The following CARMIL1 variants were observed in gnomAD, a reference collection of about 807,000 sequenced individuals.
CARMIL1 encodes the protein capping protein regulator and myosin 1 linker 1, also known as F-actin-uncapping protein LRRC16A.
In CARMIL1, 90 loss-of-function variants were observed where a neutral mutation model predicts 177.1. That is an observed-to-expected ratio of 0.51 (90% CI 0.43 to 0.61). CARMIL1 has a LOEUF of 0.61. CARMIL1 is among the 20% of genes least tolerant of loss of function. The pLI is 0.00. For synonymous variants in CARMIL1, 577 were observed against 606.2 expected (o/e 0.95, Z 0.71); for missense variants, 1,380 against 1,667.0 (o/e 0.83, Z 3.00).
At position 25,556,729 on chromosome 6, in the gene CARMIL1, C is replaced by A. The variant is rs769315613; in HGVS notation, c.2621C>A (p.Thr874Asn). The A allele has an allele frequency of 1.7e-5, 27 of 1,613,254 alleles. No individual in the cohort carries two copies. Among genetic ancestry groups the A allele is most frequent in the Non-Finnish European group, 8.5e-7 (1 of 1,179,604 alleles). The change falls in exon 29 of 37, where the codon ACC becomes AAC. Residue 874 changes from threonine (T) to asparagine (N), a missense_variant. Physicochemically the swap from Thr to Asn is moderately conservative, Grantham distance 65 (BLOSUM62 0). Coordinates refer to ENST00000329474, the MANE Select transcript of CARMIL1 (RefSeq NM_017640.6). The stretch of plus-strand genomic sequence containing the variant: ...GACCATTTCAGCAGACGTGGCAAGA[C>A]CCTTCCTCAACAAGAATCCTTAGAG... ...LADHFSRRGKTLPQQESLEIE... is the reference protein window; with the variant it reads ...LADHFSRRGKNLPQQESLEIE...
At chr6:25,288,844 C>T (rs979678841) in intron 2 of CARMIL1, among the ~76,000 whole-genome samples, 2 of 152,172 alleles carry the variant, frequency 1.3e-5, no homozygotes, top group African/African-American at 4.8e-5. Flanking sequence ...CAAGTGAAAT[C>T]AGAAATGCTA....
At chr6:25,343,572 A>T (rs1337112116) in intron 2 of CARMIL1, among the ~76,000 whole-genome samples, 1 of 152,078 alleles carries the variant, frequency 6.6e-6, no homozygotes, top group Non-Finnish European at 1.5e-5. Flanking sequence ...CAGTCACCAT[A>T]GGAAGCCTGG....
intron 2 of CARMIL1, among the ~76,000 whole-genome samples, chr6:25,297,998 C>T (rs1782558854): frequency 6.6e-6 from 1 of 152,164 alleles, no homozygotes; most frequent in African/African-American, 2.4e-5. Context: ...TCTGAAATGG[C>T]ATTTGCTAAC....
Position 25,586,919 on chromosome 6 carries a change from G to C in CARMIL1, c.3006+5480G>C, listed in dbSNP as rs551991879. Among the ~76,000 whole-genome samples the C allele has an allele frequency of 5.3e-5, 8 of 151,874 alleles. No homozygotes were observed. The East Asian group carries it at 1.4e-3, about 26-fold the overall frequency. On this transcript the variant is annotated intron_variant, in intron 31 of 36. Transcript: ENST00000329474. ...GATGGCAGCAGTACAGTCCAGCCTC[G>C]GCTCGGCATCAGATAGAGACCGTGG...
At chr6:25,324,793 G>T (rs999784926) in intron 2 of CARMIL1, among the ~76,000 whole-genome samples, 1 of 152,108 alleles carries the variant, frequency 6.6e-6, no homozygotes, top group Non-Finnish European at 1.5e-5. Context: ...GGAAGGGGGG[G>T]TGTTTAGTAG....
At chr6:25,293,120 A>G (rs1286880623) in intron 2 of CARMIL1, among the ~76,000 whole-genome samples, 1 of 151,564 alleles carries the variant, frequency 6.6e-6, no homozygotes, top group Non-Finnish European at 1.5e-5. Context: ...TTAATAGAAT[A>G]TAAGAATTTG....
rs543989266 is a variant in CARMIL1, at chr6:25,333,176, C to T, written c.138+48267C>T. On this transcript the variant is annotated intron_variant, in intron 2 of 36. Coordinates refer to ENST00000329474, the MANE Select transcript of CARMIL1 (RefSeq NM_017640.6). ...TACACTGTATCCCTTGGAATGCCAGCGCTTAAAGGTGTTAAGTGAGTAAAA... is the reference window on the plus strand; with the variant it reads ...TACACTGTATCCCTTGGAATGCCAGTGCTTAAAGGTGTTAAGTGAGTAAAA... Among the ~76,000 whole-genome samples, 11 of 152,246 alleles carry T rather than the reference C, an allele frequency of 7.2e-5. No individual in the cohort carries two copies. In the South Asian group the frequency reaches 1.0e-3, roughly 14 times the overall value.
chr6:25,521,761 T>C (rs537228674), intron 23 of CARMIL1, among the ~76,000 whole-genome samples: 2 of 137,844 alleles, frequency 1.5e-5, no homozygotes, highest in African/African-American at 2.8e-5. Context: ...CAGAGCGAGA[T>C]TCCATCTCAA....
chr6:25,474,781 A>T (rs1413458124), intron 11 of CARMIL1, among the ~76,000 whole-genome samples: 1 of 152,232 alleles, frequency 6.6e-6, no homozygotes, highest in East Asian at 1.9e-4. Flanking sequence ...CACTGTTTAT[A>T]GGAGGGCTAT....
intron 29 of CARMIL1, among the ~76,000 whole-genome samples, chr6:25,579,252 G>C (rs1321656378): frequency 1.3e-5 from 1 of 77,130 alleles, no homozygotes. Context: ...ATATAATCAA[G>C]AGTCAGGAAA....
intron 22 of CARMIL1, among the ~76,000 whole-genome samples, chr6:25,519,695 A>G (rs1017753817): frequency 6.6e-6 from 1 of 152,250 alleles, no homozygotes. Context: ...AGATAATCCC[A>G]TGTATACTGG....
chr6:25,356,562 T>C (rs1459667778), intron 2 of CARMIL1, among the ~76,000 whole-genome samples: 1 of 152,252 alleles, frequency 6.6e-6, no homozygotes, highest in Non-Finnish European at 1.5e-5. Context: ...GAAAATACTT[T>C]CTCAATTTAG....
chr6:25,313,993 A>C (rs1784060141), intron 2 of CARMIL1, among the ~76,000 whole-genome samples: 1 of 151,394 alleles, frequency 6.6e-6, no homozygotes, highest in South Asian at 2.1e-4. Flanking sequence ...TTTTCTTTGT[A>C]GTCAGTCTTT....
chr6:25,514,483 G>T (rs191228201), intron 20 of CARMIL1, among the ~76,000 whole-genome samples: 1 of 145,760 alleles, frequency 6.9e-6, no homozygotes, highest in Non-Finnish European at 1.5e-5. Flanking sequence ...GGAGGCGGAG[G>T]TTGCAGTAAG....
In CARMIL1 at chr6:25,368,326, A is replaced by T. The variant is rs78032433; in HGVS notation, c.139-51788A>T. Among the ~76,000 whole-genome samples, 1,963 of 152,296 alleles carry T rather than the reference A, an allele frequency of 0.013. 70 individuals carry two copies. The East Asian group carries it at 0.14, about 11-fold the overall frequency. ...AAATAAGCTAAGCTGAATTACTTAA[A>T]CCACACTTTTTCCGTTTCTTAAAAT... On this transcript the variant is annotated intron_variant, in intron 2 of 36. Coordinates refer to ENST00000329474, the MANE Select transcript of CARMIL1 (RefSeq NM_017640.6).
intron 2 of CARMIL1, among the ~76,000 whole-genome samples, chr6:25,338,041 G>T (rs1786457900): frequency 6.6e-6 from 1 of 152,096 alleles, no homozygotes; most frequent in Non-Finnish European, 1.5e-5. Context: ...TGGACCACCT[G>T]AGGTCGGGGG....
chr6:25,288,274 A>C (rs1781675989), intron 2 of CARMIL1, among the ~76,000 whole-genome samples: 2 of 152,218 alleles, frequency 1.3e-5, no homozygotes, highest in Non-Finnish European at 2.9e-5. Context: ...CAGCTGGGGT[A>C]AGGCATATAC....
intron 2 of CARMIL1, among the ~76,000 whole-genome samples, chr6:25,412,640 A>G (rs1428659677): frequency 1.3e-5 from 2 of 152,198 alleles, no homozygotes; most frequent in Non-Finnish European, 2.9e-5. Context: ...AGCCATGTAT[A>G]TATTAAATAA....
At chr6:25,460,853 A>G (rs1482600361) in intron 8 of CARMIL1, among the ~76,000 whole-genome samples, 1 of 152,212 alleles carries the variant, frequency 6.6e-6, no homozygotes, top group East Asian at 1.9e-4. Flanking sequence ...GCAGATGTGT[A>G]CTAGGATGGA....
Sources: allele counts gnomAD v4.1 joint callset (sites outside exome capture counted in the v4.1 genomes callset), GRCh38; gene constraint gnomAD v4.1.1; transcripts MANE v1.5; gene names NCBI Gene and HGNC (gene_info 2026-07-23, HGNC 2026-07-21).